Variants in THBS4 observed in about 807,000 individuals in gnomAD.
THBS4 encodes the protein thrombospondin 4.
A neutral mutation model predicts 115.7 loss-of-function variants in THBS4; 90 were observed. The observed-to-expected ratio is 0.78, with a 90% CI of 0.66 to 0.93. THBS4 has a LOEUF of 0.93. Ranked by LOEUF, THBS4 falls within the 40% of genes least tolerant of loss-of-function variation. The pLI is 0.00. For missense variants in THBS4, 1,087 were observed against 1,232.7 expected (o/e 0.88, Z 1.77); for synonymous variants, 460 against 479.3 (o/e 0.96, Z 0.53).
At chr5:80,007,397 T>G (rs1166540303) in intron 2 of THBS4, among the ~76,000 whole-genome samples, 3 of 152,212 alleles carry the variant, frequency 2.0e-5, no homozygotes, top group African/African-American at 4.8e-5. Context: ...AGGGCAGCCT[T>G]TGTGTTGCCC....
chr5:80,039,663 G>A (rs564588325), intron 1 of THBS4, among the ~76,000 whole-genome samples: 95 of 152,332 alleles, frequency 6.2e-4, no homozygotes, highest in African/African-American at 2.2e-3. Flanking sequence ...TCCTGGAGGT[G>A]CCTATGGGAC....
upstream of THBS4, chr5:80,033,284 C>A: frequency 2.9e-6 from 1 of 345,298 alleles, no homozygotes. Flanking sequence ...TCCAGCAGCA[C>A]GTGGTGCATT....
In THBS4 at chr5:80,080,579, C is replaced by CTTTTTTT. The variant is rs67048630; in HGVS notation, c.2684+521_2684+527dup. On this transcript the variant is annotated intron_variant, in intron 20 of 21. Transcript: ENST00000350881. The stretch of plus-strand genomic sequence containing the variant: ...AACTGCATGAGAGCAGCGCTTGTAT[C>CTTTTTTT]TTTTTTTTTTTTTTTTTTTTTTTTT... Among the ~76,000 whole-genome samples, 153 of 50,494 alleles carry CTTTTTTT rather than the reference C, an allele frequency of 3.0e-3. 18 individuals carry two copies. Among genetic ancestry groups the CTTTTTTT allele is most frequent in the African/African-American group, 8.6e-3 (109 of 12,706 alleles). 33.1% of individuals were successfully genotyped at this position (50,494 alleles called of 152,430 possible).
chr5:80,035,713 T>TCCTGTGGCCTTGCTCAGC lies in THBS4; in HGVS notation c.88+91_88+108dup. On this transcript the variant is annotated intron_variant, in intron 1 of 21. Transcript: ENST00000350881. The surrounding 1 kb of genome is among the most constrained non-coding windows in gnomAD (Gnocchi z 4.6). ...TGGAGGGACTTGCTCGGCCCTGTGCTCCTGTGGCCTTGCTCAGCCCCTCTC... is the reference window on the plus strand; with the variant it reads ...TGGAGGGACTTGCTCGGCCCTGTGCTCCTGTGGCCTTGCTCAGCCCTGTGGCCTTGCTCAGCCCCTCTC... 1.0e-6 allele frequency: 1 copy of TCCTGTGGCCTTGCTCAGC among 954,312 alleles called. No individual in the cohort carries two copies. 59.1% of individuals were successfully genotyped at this position (954,312 alleles called of 1,614,324 possible).
intron 2 of THBS4, chr5:80,052,501 T>C (rs955020487): frequency 2.0e-5 from 3 of 152,238 alleles, no homozygotes; most frequent in Admixed American, 1.3e-4. Context: ...TATTTAATAC[T>C]TTACTTCAGG....
chr5:80,021,540 T>G (rs1832375404), intron 2 of THBS4, among the ~76,000 whole-genome samples: 1 of 151,870 alleles, frequency 6.6e-6, no homozygotes, highest in African/African-American at 2.4e-5. Context: ...AGACAGGGTC[T>G]CTGTCATCCA....
Position 80,059,293 on chromosome 5 carries a change from G to C in THBS4, c.733-147G>C, listed in dbSNP as rs1005102094. 1.5e-5 allele frequency: 11 copies of C among 753,150 alleles called. No homozygotes were observed. The African/African-American group carries it at 2.0e-4, about 14-fold the overall frequency. 46.7% of individuals were successfully genotyped at this position (753,150 alleles called of 1,614,324 possible). On this transcript the variant is annotated intron_variant, in intron 5 of 21. Transcript: ENST00000350881. ...TGTAGTGAGCTGAGATCGTGCCACT[G>C]CACTCCAGCCTGGGCGACAGACTGA...
intron 2 of THBS4, among the ~76,000 whole-genome samples, chr5:80,053,326 T>C (rs779951501): frequency 1.6e-4 from 25 of 152,152 alleles, no homozygotes; most frequent in Non-Finnish European, 2.9e-4. Context: ...CCTCTCCTTT[T>C]GGACATATAT....
rs369507698 is a variant in THBS4, at chr5:80,059,462, G to A, written c.755G>A (p.Arg252Gln). The A allele has an allele frequency of 3.5e-5, 56 of 1,613,498 alleles. No homozygotes were observed. The highest frequency in any genetic ancestry group is 1.6e-4 in the South Asian group (15 of 91,052). The change falls in exon 6 of 22, where the codon CGA becomes CAA. Residue 252 changes from arginine to glutamine, a missense_variant. This residue lies in a region of THBS4 where 979 missense variants were observed against 1,103.7 expected (regional missense o/e 0.89). Transcript: ENST00000350881. ...AAGGTTAAGGAAACATCATTTTTGC[G>A]AAACACCATAGCTGAATGCCAGGCT... is the stretch of plus-strand genomic sequence containing the variant. ...RQQVKETSFLRNTIAECQACG... is the reference protein window; with the variant it reads ...RQQVKETSFLQNTIAECQACG...
upstream of THBS4, among the ~76,000 whole-genome samples, chr5:80,034,223 T>C (rs958484656): frequency 6.6e-6 from 1 of 152,222 alleles, no homozygotes; most frequent in Non-Finnish European, 1.5e-5. Context: ...AGACCTGTAT[T>C]GGACCTTACA....
chr5:80,069,252 C>T (rs1188164025), intron 10 of THBS4, among the ~76,000 whole-genome samples: 1 of 152,192 alleles, frequency 6.6e-6, no homozygotes, highest in East Asian at 1.9e-4. Context: ...GAGCCTACCA[C>T]TTTTCAAATA....
rs935443820 is a variant in THBS4 at position 80,001,896 on chromosome 5, A to G, written n.177+3469A>G. On this transcript the variant is annotated intron_variant and non_coding_transcript_variant, in intron 2 of 3. Transcript: ENST00000510218. ...CCCAGTTCTGTTTGTCTCCAAAGCCATGATTTTTACATTAAACCATATTTA... is the reference window on the plus strand; with the variant it reads ...CCCAGTTCTGTTTGTCTCCAAAGCCGTGATTTTTACATTAAACCATATTTA... Among the ~76,000 whole-genome samples the G allele has an allele frequency of 6.6e-5, 10 of 152,206 alleles. No homozygotes were observed. The South Asian group carries it at 2.1e-3, about 32-fold the overall frequency.
At chr5:80,034,206 C>T (rs1329327596), upstream of THBS4, among the ~76,000 whole-genome samples, 1 of 152,098 alleles carries the variant, frequency 6.6e-6, no homozygotes, top group Non-Finnish European at 1.5e-5. Flanking sequence ...TTAAAGGAAC[C>T]CTGGATAGAC....
intron 1 of THBS4, among the ~76,000 whole-genome samples, chr5:80,039,716 T>A (rs1299713371): frequency 6.6e-6 from 1 of 152,250 alleles, no homozygotes; most frequent in African/African-American, 2.4e-5. Context: ...AGTAAAGCAA[T>A]GGCTTGGATG....
chr5:80,033,207 C>A, upstream of THBS4: 1 of 458,164 alleles, frequency 2.2e-6, no homozygotes, highest in Non-Finnish European at 4.5e-6. Flanking sequence ...TGTTGGGGAT[C>A]CTGCGGCTGA....
rs1409784385 is a variant in THBS4 at position 80,079,207 on chromosome 5, T to C, written c.2460T>C (p.Tyr820=). The C allele has an allele frequency of 1.2e-6, 2 of 1,614,118 alleles. No individual in the cohort carries two copies. Among genetic ancestry groups the C allele is most frequent in the African/African-American group, 1.3e-5 (1 of 75,040 alleles). ...VVMWKQTEQT[Y]WQATPFRAVA... is the part of the protein sequence containing the mutation. ...TGTGGAAGCAGACGGAGCAGACATATTGGCAAGCCACCCCATTCCGAGCAG... is the reference window on the plus strand; with the variant it reads ...TGTGGAAGCAGACGGAGCAGACATACTGGCAAGCCACCCCATTCCGAGCAG... The change falls in exon 19 of 22, where the codon TAT becomes TAC. Residue 820 remains tyrosine (Y), a synonymous_variant. Transcript: ENST00000350881.
intron 1 of THBS4, among the ~76,000 whole-genome samples, chr5:79,997,731 A>G (rs1462596855): frequency 1.3e-5 from 2 of 152,214 alleles, no homozygotes; most frequent in Non-Finnish European, 2.9e-5. Context: ...AACATTCACC[A>G]AAGTAGGCTA....
chr5:80,055,702 G>A (rs1376662612), intron 2 of THBS4, 83 bp from the exon 3 acceptor site: 2 of 1,545,620 alleles, frequency 1.3e-6, no homozygotes, highest in Admixed American at 3.6e-5. Context: ...TTCAGCACAG[G>A]ACACTTATCA....
intron 2 of THBS4, among the ~76,000 whole-genome samples, chr5:80,027,567 G>A (rs2111997697): frequency 6.6e-6 from 1 of 152,218 alleles, no homozygotes; most frequent in South Asian, 2.1e-4. Flanking sequence ...GAGGAGTGAT[G>A]TGACACATAA....
Sources: gnomAD v4.1 joint callset for allele counts (sites outside exome capture counted in the v4.1 genomes callset) on GRCh38, gnomAD v4.1.1 for gene constraint, gnomAD v4.1.1 regional missense constraint, Gnocchi (gnomAD v3.1) non-coding constraint, MANE v1.5 for transcripts, NCBI Gene and HGNC (gene_info 2026-07-23, HGNC 2026-07-21) for gene names.